Variants in FUT9 observed in about 807,000 individuals in gnomAD.
FUT9 encodes 4-galactosyl-N-acetylglucosaminide 3-alpha-L-fucosyltransferase 9.
Under a neutral mutation model 29.7 loss-of-function variants are expected in FUT9, and 15 were observed. That is an observed-to-expected ratio of 0.51 (90% CI 0.34 to 0.78). The LOEUF (loss-of-function observed/expected upper bound fraction) is 0.78. FUT9 is among the 30% of genes least tolerant of loss of function. FUT9 has a pLI of 0.01. For missense variants in FUT9, 319 were observed against 425.4 expected, an observed-to-expected ratio of 0.75 and a Z score of 2.20; for synonymous variants, 169 against 153.7, an observed-to-expected ratio of 1.10 and a Z score of -0.74.
chr6:96,029,936 T>C (rs764501547), intron 1 of FUT9, among the ~76,000 whole-genome samples: 1 of 151,606 alleles, frequency 6.6e-6, no homozygotes, highest in Non-Finnish European at 1.5e-5. Flanking sequence ...TGGATAAATT[T>C]ACCAACAACA....
rs190233809 is a variant in FUT9 at position 96,198,109 on chromosome 6, T to C, written c.-8-5039T>C. Among the ~76,000 whole-genome samples, 366 of 152,098 alleles carry C rather than the reference T, an allele frequency of 2.4e-3. 1 individual carries two copies. Among genetic ancestry groups the C allele is most frequent in the Non-Finnish European group, 3.7e-3 (250 of 67,972 alleles). ...TAACATTCAGTAGAGTGTTCTTTTT[T>C]TTTCCTTTTTTTTTATTATTATTGT... On this transcript the variant is annotated intron_variant, in intron 2 of 2. Transcript: ENST00000302103.
intron 2 of FUT9, among the ~76,000 whole-genome samples, chr6:96,193,617 A>G (rs948402043): frequency 7.2e-5 from 11 of 152,170 alleles, no homozygotes; most frequent in African/African-American, 2.6e-4. Context: ...ACTGTAAACT[A>G]GTTCAACCGT....
At chr6:96,130,419 G>C (rs996506610) in intron 2 of FUT9, among the ~76,000 whole-genome samples, 4 of 152,050 alleles carry the variant, frequency 2.6e-5, no homozygotes, top group Non-Finnish European at 4.4e-5. Context: ...CCATCATCTT[G>C]AATGTCTCAG....
intron 2 of FUT9, among the ~76,000 whole-genome samples, chr6:96,165,241 G>C (rs1214471327): frequency 1.3e-5 from 2 of 152,032 alleles, no homozygotes. Flanking sequence ...AGACCAGCCT[G>C]ACAAACATGG....
At chr6:96,095,262 C>A (rs1455531777) in intron 1 of FUT9, among the ~76,000 whole-genome samples, 1 of 152,096 alleles carries the variant, frequency 6.6e-6, no homozygotes, top group African/African-American at 2.4e-5. Context: ...CATTGCAAAT[C>A]TCATTTCTTA....
intron 2 of FUT9, among the ~76,000 whole-genome samples, chr6:96,139,585 G>A (rs1017876625): frequency 1.9e-4 from 29 of 152,058 alleles, no homozygotes; most frequent in South Asian, 1.7e-3. Context: ...ATGACCCTCC[G>A]CCCCTGCGGC....
chr6:96,136,327 G>T (rs147786527), intron 2 of FUT9, among the ~76,000 whole-genome samples: 1 of 151,788 alleles, frequency 6.6e-6, no homozygotes, highest in Non-Finnish European at 1.5e-5. Flanking sequence ...ATGTGATGGG[G>T]CACCAAAAGT....
chr6:96,060,019 A>G (rs1162321831), intron 1 of FUT9, among the ~76,000 whole-genome samples: 1 of 152,192 alleles, frequency 6.6e-6, no homozygotes, highest in East Asian at 1.9e-4. Context: ...ATACATAAAA[A>G]CACATTGTGT....
At chr6:96,082,695 C>T (rs1771256686) in intron 1 of FUT9, among the ~76,000 whole-genome samples, 1 of 151,802 alleles carries the variant, frequency 6.6e-6, no homozygotes, top group African/African-American at 2.4e-5. Context: ...TTCTTAAAAT[C>T]TTTAAACAAT....
At position 96,212,564 on chromosome 6, in the gene FUT9, G is replaced by A; in HGVS notation, c.*8329G>A. 2 of 391,688 alleles carry A rather than the reference G, an allele frequency of 5.1e-6. No individual in the cohort carries two copies. The highest frequency in any genetic ancestry group is 9.4e-6 in the Non-Finnish European group (2 of 212,606). The allele number at this position is 391,688 out of a possible 1,614,324, so 24.3% of individuals were successfully genotyped here. A position where few individuals can be genotyped will look rare whatever the true frequency, so the allele number is the denominator to read the frequency against. ...AAAAAGAACTTTCAGCTTAATCGGG[G>A]TTAAGGGAGTAATTGTGACAATATA... is the stretch of plus-strand genomic sequence containing the variant. On this transcript the variant is annotated 3_prime_UTR_variant, in exon 3 of 3. Transcript: ENST00000302103.
At chr6:96,202,393 C>T (rs540411294) in intron 2 of FUT9, among the ~76,000 whole-genome samples, 1 of 151,844 alleles carries the variant, frequency 6.6e-6, no homozygotes, top group Non-Finnish European at 1.5e-5. Flanking sequence ...TAAGTGAGAA[C>T]GTTTTTCCAA....
intron 2 of FUT9, among the ~76,000 whole-genome samples, chr6:96,132,846 C>A (rs1393456793): frequency 6.6e-6 from 1 of 152,088 alleles, no homozygotes; most frequent in African/African-American, 2.4e-5. Flanking sequence ...TATTTGCAGA[C>A]TTTTAGTCTA....
At chr6:96,061,114 T>C (rs977556652) in intron 1 of FUT9, among the ~76,000 whole-genome samples, 2 of 151,426 alleles carry the variant, frequency 1.3e-5, no homozygotes, top group South Asian at 2.1e-4. Flanking sequence ...GTTATAAGAA[T>C]AGGAGAGAAC....
chr6:96,202,161 T>C (rs760772404), intron 2 of FUT9, among the ~76,000 whole-genome samples: 1 of 151,998 alleles, frequency 6.6e-6, no homozygotes, highest in Non-Finnish European at 1.5e-5. Flanking sequence ...TTTGTGTTCA[T>C]AGCCATAAAG....
chr6:96,056,129 C>T (rs1367732220), intron 1 of FUT9, among the ~76,000 whole-genome samples: 1 of 152,190 alleles, frequency 6.6e-6, no homozygotes, highest in Non-Finnish European at 1.5e-5. Flanking sequence ...GTTATACCTT[C>T]GTTATATATT....
At chr6:96,043,112 C>T (rs996953208) in intron 1 of FUT9, among the ~76,000 whole-genome samples, 8 of 152,130 alleles carry the variant, frequency 5.3e-5, no homozygotes, top group Non-Finnish European at 1.2e-4. Context: ...AGTGCGGTGG[C>T]GCGATCTCGG....
intron 1 of FUT9, among the ~76,000 whole-genome samples, chr6:96,018,672 C>G (rs931536907): frequency 6.6e-6 from 1 of 151,890 alleles, no homozygotes; most frequent in African/African-American, 2.4e-5. Flanking sequence ...ATAAATTAAA[C>G]ATTATAAAGA....
intron 1 of FUT9, among the ~76,000 whole-genome samples, chr6:96,072,984 T>C (rs1771087448): frequency 6.6e-6 from 1 of 152,142 alleles, no homozygotes; most frequent in Non-Finnish European, 1.5e-5. Flanking sequence ...CTCCTACCTT[T>C]AGGAGTCTTT....
chr6:96,179,990 C>G (rs890163060), intron 2 of FUT9, among the ~76,000 whole-genome samples: 1 of 152,104 alleles, frequency 6.6e-6, no homozygotes, highest in Non-Finnish European at 1.5e-5. Flanking sequence ...TAAAATACCA[C>G]TTTCTTTTTG....
Sources: gnomAD v4.1 joint callset for allele counts (sites outside exome capture counted in the v4.1 genomes callset) on GRCh38, gnomAD v4.1.1 for gene constraint, MANE v1.5 for transcripts, NCBI Gene and HGNC (gene_info 2026-07-23, HGNC 2026-07-21) for gene names.